MRAP2: variants seen among roughly 807,000 people sequenced by gnomAD.
MRAP2 encodes the protein melanocortin 2 receptor accessory protein 2.
MRAP2 carries 20 observed loss-of-function variants against 17.4 expected under a neutral mutation model. That is an observed-to-expected ratio of 1.15 (90% confidence interval 0.81 to 1.67). The LOEUF (loss-of-function observed/expected upper bound fraction) is 1.67. MRAP2 is among the 40% of genes most tolerant of loss of function. The pLI is 0.00. For synonymous variants in MRAP2, 96 were observed against 88.4 expected (o/e 1.09, Z -0.48); for missense variants, 238 against 240.0 (o/e 0.99, Z 0.05).
the MRAP2 span, among the ~76,000 whole-genome samples, chr6:84,102,250 AAT>A: frequency 1.3e-5 from 2 of 152,232 alleles, no homozygotes; most frequent in Non-Finnish European, 2.9e-5. Flanking sequence ...TCCGCCTGTG[AAT>A]ATGTTATTTA....
intron 1 of MRAP2, among the ~76,000 whole-genome samples, chr6:84,051,259 T>C (rs1328385255): frequency 3.3e-5 from 5 of 152,200 alleles, no homozygotes; most frequent in Non-Finnish European, 7.3e-5. Flanking sequence ...TGATCCATTT[T>C]TAAGAAGGTA....
chr6:84,047,549 C>T (rs1332223716), intron 1 of MRAP2, among the ~76,000 whole-genome samples: 2 of 151,726 alleles, frequency 1.3e-5, no homozygotes, highest in East Asian at 3.9e-4. Context: ...GTTAAAAACG[C>T]ATAATATAAA....
downstream of MRAP2, among the ~76,000 whole-genome samples, chr6:84,092,899 A>G (rs544635124): frequency 2.0e-5 from 3 of 152,336 alleles, no homozygotes; most frequent in Non-Finnish European, 2.9e-5. Flanking sequence ...AATGGAAGGA[A>G]AAAATGAATC....
the MRAP2 span, among the ~76,000 whole-genome samples, chr6:84,104,450 G>A: frequency 1.3e-5 from 2 of 152,132 alleles, no homozygotes; most frequent in East Asian, 1.9e-4. Flanking sequence ...TCAGAAAATG[G>A]GATTTTCTTT....
At chr6:84,063,685 T>G (rs1009259156) in intron 3 of MRAP2, among the ~76,000 whole-genome samples, 3 of 152,318 alleles carry the variant, frequency 2.0e-5, no homozygotes, top group African/African-American at 7.2e-5. Context: ...TTATACCAAA[T>G]TTTTAATAAA....
At chr6:84,087,187 G>A (rs770142957) in intron 3 of MRAP2, among the ~76,000 whole-genome samples, 3 of 152,190 alleles carry the variant, frequency 2.0e-5, no homozygotes, top group Non-Finnish European at 4.4e-5. Flanking sequence ...ATCCATTTTA[G>A]GGAGACATGA....
chr6:84,036,836 G>A (rs2099486155), intron 1 of MRAP2, among the ~76,000 whole-genome samples: 1 of 152,200 alleles, frequency 6.6e-6, no homozygotes, highest in Admixed American at 6.5e-5. Context: ...TACAATCCCT[G>A]AGCTAGACAC....
the MRAP2 span, among the ~76,000 whole-genome samples, chr6:84,120,288 T>A: frequency 6.6e-6 from 1 of 152,216 alleles, no homozygotes; most frequent in African/African-American, 2.4e-5. Flanking sequence ...GTCTACTGAT[T>A]CAAATGCCAA....
the MRAP2 span, among the ~76,000 whole-genome samples, chr6:84,128,599 T>A: frequency 5.3e-5 from 8 of 152,178 alleles, no homozygotes; most frequent in East Asian, 1.5e-3. Flanking sequence ...TCATCTAAAA[T>A]GGGAATAATA....
chr6:84,075,528 C>T (rs962766782), intron 3 of MRAP2, among the ~76,000 whole-genome samples: 3 of 152,122 alleles, frequency 2.0e-5, no homozygotes, highest in Non-Finnish European at 4.4e-5. Context: ...CTCCTGCTTT[C>T]TGAGCTAAGG....
chr6:84,136,095 T>C, the MRAP2 span, among the ~76,000 whole-genome samples: 1 of 152,142 alleles, frequency 6.6e-6, no homozygotes, highest in Non-Finnish European at 1.5e-5. Flanking sequence ...GACAAGGCCT[T>C]GATATTGTTC....
At chr6:84,109,659 T>C in the MRAP2 span, among the ~76,000 whole-genome samples, 1 of 152,152 alleles carries the variant, frequency 6.6e-6, no homozygotes, top group South Asian at 2.1e-4. Flanking sequence ...CATGCAGTTT[T>C]GTTACATAGG....
At chr6:84,134,247 T>A in the MRAP2 span, among the ~76,000 whole-genome samples, 1 of 152,184 alleles carries the variant, frequency 6.6e-6, no homozygotes, top group Non-Finnish European at 1.5e-5. Flanking sequence ...CAGACAGCTA[T>A]GCTGGCAGTG....
Position 84,036,563 on chromosome 6 carries a change from G to A in MRAP2, c.-8+2680G>A, listed in dbSNP as rs554496779. Among the ~76,000 whole-genome samples, 66 of 152,112 alleles carry A rather than the reference G, an allele frequency of 4.3e-4. No homozygotes were observed. The Middle Eastern group carries it at 0.01, about 24-fold the overall frequency. On this transcript the variant is annotated intron_variant, in intron 1 of 3. Coordinates refer to ENST00000257776, the MANE Select transcript of MRAP2 (RefSeq NM_138409.4). ...CAGGAGTGAAGCTGCAGACCTTCAC[G>A]GTGAGTGTTACAGCTCATAAAGGCA...
chr6:84,051,415 G>T (rs1005432192), intron 1 of MRAP2, among the ~76,000 whole-genome samples: 9 of 152,196 alleles, frequency 5.9e-5, no homozygotes, highest in African/African-American at 1.7e-4. Flanking sequence ...AAATTAGCTG[G>T]ATCTGGTGGC....
downstream of MRAP2, among the ~76,000 whole-genome samples, chr6:84,094,833 A>C (rs1409675523): frequency 1.3e-5 from 2 of 152,084 alleles, no homozygotes; most frequent in Non-Finnish European, 2.9e-5. Flanking sequence ...CTGGGACTAC[A>C]GGTGCGCACC....
intron 2 of MRAP2, among the ~76,000 whole-genome samples, chr6:84,056,266 C>T (rs1335992212): frequency 6.6e-6 from 1 of 152,170 alleles, no homozygotes; most frequent in Admixed American, 6.5e-5. Flanking sequence ...TATAAGAGGG[C>T]TTAGAATCAG....
At chr6:84,094,334 AT>A (rs1414216661), downstream of MRAP2, among the ~76,000 whole-genome samples, 1 of 152,156 alleles carries the variant, frequency 6.6e-6, no homozygotes, top group Non-Finnish European at 1.5e-5. Context: ...TTGCAATATA[AT>A]TGGCTGAGAA....
the MRAP2 span, chr6:84,124,616 C>T: frequency 5.6e-6 from 1 of 179,160 alleles, no homozygotes; most frequent in African/African-American, 2.4e-5. Context: ...TGAAAAATTA[C>T]CTGTTGGGTA....
Sources: allele counts gnomAD v4.1 joint callset (sites outside exome capture counted in the v4.1 genomes callset), GRCh38; gene constraint gnomAD v4.1.1; transcripts MANE v1.5; gene names NCBI Gene and HGNC (gene_info 2026-07-23, HGNC 2026-07-21).